Variants in ADCY5 observed in about 807,000 individuals in gnomAD.
The protein encoded by ADCY5 is adenylate cyclase type 5.
ADCY5 carries 30 observed loss-of-function variants against 119.7 expected under a neutral mutation model. The observed-to-expected ratio is 0.25, with a 90% CI of 0.19 to 0.34. The LOEUF (loss-of-function observed/expected upper bound fraction) is 0.34. Ranked by LOEUF, ADCY5 falls within the 10% of genes least tolerant of loss-of-function variation. ADCY5 has a pLI of 1.00. For synonymous variants in ADCY5, 753 were observed against 762.2 expected, an observed-to-expected ratio of 0.99 and a Z score of 0.20; for missense variants, 1,324 against 1,775.2, an observed-to-expected ratio of 0.75 and a Z score of 4.57.
chr3:123,358,181 TG>T (rs1443061646), intron 1 of ADCY5, among the ~76,000 whole-genome samples: 4 of 86,908 alleles, frequency 4.6e-5, no homozygotes, highest in African/African-American at 1.5e-4. Flanking sequence ...TGTGTGTGTG[TG>T]TGTGTGTGTG....
intron 12 of ADCY5, among the ~76,000 whole-genome samples, chr3:123,312,400 T>C (rs931081433): frequency 1.1e-4 from 17 of 151,950 alleles, no homozygotes; most frequent in African/African-American, 3.6e-4. Context: ...GCAATATTTA[T>C]ACAACATAAA....
intron 1 of ADCY5, among the ~76,000 whole-genome samples, chr3:123,431,209 T>C (rs895199599): frequency 2.0e-5 from 3 of 152,242 alleles, no homozygotes; most frequent in South Asian, 2.1e-4. Flanking sequence ...ACTTCTAGTT[T>C]ACAGCGGAGT....
At chr3:123,345,297 G>A (rs1293433562) in intron 3 of ADCY5, among the ~76,000 whole-genome samples, 1 of 152,256 alleles carries the variant, frequency 6.6e-6, no homozygotes, top group African/African-American at 2.4e-5. Context: ...GCGCAGGGGT[G>A]GCCGGTGAGC....
chr3:123,405,461 C>T (rs1254810164), intron 1 of ADCY5, among the ~76,000 whole-genome samples: 3 of 152,122 alleles, frequency 2.0e-5, no homozygotes, highest in Admixed American at 2.0e-4. Flanking sequence ...ACTTGGTTCT[C>T]TCCTTTAGGA....
At chr3:123,388,804 C>G (rs1944313500) in intron 1 of ADCY5, among the ~76,000 whole-genome samples, 1 of 152,176 alleles carries the variant, frequency 6.6e-6, no homozygotes, top group African/African-American at 2.4e-5. Flanking sequence ...GCGGCAAGGG[C>G]TGCTTTCACC....
At chr3:123,343,794 G>A (rs1314425608) in intron 3 of ADCY5, among the ~76,000 whole-genome samples, 1 of 152,186 alleles carries the variant, frequency 6.6e-6, no homozygotes, top group African/African-American at 2.4e-5. Context: ...AGGCAGGAGG[G>A]CTTGCAAGCC....
At chr3:123,345,924 T>C (rs1478211334) in intron 3 of ADCY5, among the ~76,000 whole-genome samples, 1 of 152,150 alleles carries the variant, frequency 6.6e-6, no homozygotes, top group Non-Finnish European at 1.5e-5. Flanking sequence ...TGTCTGGTAG[T>C]CAGGCTGGGT....
chr3:123,295,173 C>T (rs567185584), intron 17 of ADCY5, among the ~76,000 whole-genome samples: 2 of 152,228 alleles, frequency 1.3e-5, no homozygotes, highest in African/African-American at 2.4e-5. Context: ...CAGCATCCAA[C>T]GAAAAGCAGG....
chr3:123,309,973 G>A (rs1040387825), intron 12 of ADCY5, among the ~76,000 whole-genome samples: 1 of 152,120 alleles, frequency 6.6e-6, no homozygotes, highest in African/African-American at 2.4e-5. Context: ...AGTGACTGCA[G>A]AGCAGACAGG....
chr3:123,428,709 T>C (rs889002060), intron 1 of ADCY5, among the ~76,000 whole-genome samples: 1 of 152,188 alleles, frequency 6.6e-6, no homozygotes, highest in African/African-American at 2.4e-5. Context: ...GGAAGAGCAC[T>C]GGATGGTAGA....
intron 12 of ADCY5, 41 bp downstream of exon 12, chr3:123,314,194 G>T (rs368942017): frequency 2.6e-6 from 4 of 1,526,702 alleles, no homozygotes; most frequent in Non-Finnish European, 3.6e-6. Context: ...TGAGAGAAGC[G>T]GGAAGAAGGT....
At chr3:123,311,843 C>T (rs775064911) in intron 12 of ADCY5, among the ~76,000 whole-genome samples, 11 of 152,122 alleles carry the variant, frequency 7.2e-5, no homozygotes, top group Non-Finnish European at 1.5e-4. Flanking sequence ...TTCCATCCAC[C>T]GGCCCCTCCC....
At chr3:123,388,724 A>T (rs1028913696) in intron 1 of ADCY5, among the ~76,000 whole-genome samples, 2 of 152,146 alleles carry the variant, frequency 1.3e-5, no homozygotes, top group Non-Finnish European at 2.9e-5. Context: ...CAAGAATGGG[A>T]GTGGGGCCAG....
chr3:123,374,806 G>T (rs1048417669), intron 1 of ADCY5, among the ~76,000 whole-genome samples: 2 of 152,206 alleles, frequency 1.3e-5, no homozygotes, highest in African/African-American at 2.4e-5. Flanking sequence ...TTCTATAAGG[G>T]AAGTACTGGC....
At chr3:123,308,868 T>G (rs2108292886) in intron 12 of ADCY5, among the ~76,000 whole-genome samples, 1 of 151,726 alleles carries the variant, frequency 6.6e-6, no homozygotes, top group East Asian at 1.9e-4. Flanking sequence ...AAAAACTATC[T>G]GCCAGGGGCA....
At chr3:123,351,270 C>T (rs1438299074) in intron 2 of ADCY5, among the ~76,000 whole-genome samples, 3 of 152,152 alleles carry the variant, frequency 2.0e-5, no homozygotes, top group Non-Finnish European at 4.4e-5. Flanking sequence ...CTGTGACTCA[C>T]TTAGGATGCA....
chr3:123,315,328 G>C (rs1016541279), intron 11 of ADCY5, among the ~76,000 whole-genome samples: 27 of 152,318 alleles, frequency 1.8e-4, no homozygotes, highest in Non-Finnish European at 1.0e-4. Context: ...ATTCTCTTCA[G>C]GGGAAAAGAA....
intron 1 of ADCY5, among the ~76,000 whole-genome samples, chr3:123,421,680 G>A (rs999695603): frequency 1.3e-5 from 2 of 152,154 alleles, no homozygotes; most frequent in African/African-American, 4.8e-5. Flanking sequence ...GGGGGCACAG[G>A]ACAGATGGAG....
At chr3:123,400,064 T>A (rs1944711655) in intron 1 of ADCY5, among the ~76,000 whole-genome samples, 1 of 152,158 alleles carries the variant, frequency 6.6e-6, no homozygotes, top group African/African-American at 2.4e-5. Context: ...TCTTGCCCCA[T>A]CAAGAATTGT....
Sources: allele counts gnomAD v4.1 joint callset (sites outside exome capture counted in the v4.1 genomes callset), GRCh38; gene constraint gnomAD v4.1.1; transcripts MANE v1.5; gene names NCBI Gene and HGNC (gene_info 2026-07-23, HGNC 2026-07-21).